Variants in KIF13A observed in about 807,000 individuals in gnomAD.
KIF13A encodes kinesin-like protein KIF13A.
Under a neutral mutation model 212.2 loss-of-function variants are expected in KIF13A, and 79 were observed. The observed-to-expected ratio is 0.37, with a 90% CI of 0.31 to 0.45. The LOEUF (loss-of-function observed/expected upper bound fraction) is 0.45, where lower values mean the gene tolerates loss of function less well. Among genes scored for constraint, KIF13A ranks in the 20% least tolerant of loss-of-function variants. The probability of loss-of-function intolerance (pLI) is 1.00; values close to 1 mark genes in which losing one functional copy is unlikely to be tolerated. For synonymous variants in KIF13A, 789 were observed against 808.6 expected, an observed-to-expected ratio of 0.98 and a Z score of 0.41; for missense variants, 1,901 against 2,209.0, an observed-to-expected ratio of 0.86 and a Z score of 2.79.
Position 17,918,600 on chromosome 6 carries a change from T to C in KIF13A, c.147-20420A>G, listed in dbSNP as rs1774754832. ...AGGTATGTGTGTCGAGTTATCTAAA[T>C]GGACCTTGTGTTTTCTTGGGGCTGC... On this transcript the variant is annotated intron_variant, in intron 2 of 38. Coordinates refer to ENST00000259711, the MANE Select transcript of KIF13A (RefSeq NM_022113.6). This position sits in a 1 kb window ranked among gnomAD's most constrained non-coding sequence, Gnocchi z 4.8. 6.6e-6 allele frequency among the ~76,000 whole-genome samples: 1 copy of C among 152,180 alleles called. No homozygotes were observed. Among genetic ancestry groups the C allele is most frequent in the Non-Finnish European group, 1.5e-5 (1 of 68,030 alleles).
At position 17,951,207 on chromosome 6, in the gene KIF13A, T is replaced by G; in HGVS notation, c.146+35847A>C. ...TCTGGCTCTGTCACCCAGGCTGGCGTGCAGTGGCTCAAACAGCTCACTGGA... is the reference window on the plus strand; with the variant it reads ...TCTGGCTCTGTCACCCAGGCTGGCGGGCAGTGGCTCAAACAGCTCACTGGA... On this transcript the variant is annotated intron_variant, in intron 2 of 38. Transcript: ENST00000259711. This position sits in a 1 kb window ranked among gnomAD's most constrained non-coding sequence, Gnocchi z 4.9. 11 of 1,141,004 alleles carry G rather than the reference T, an allele frequency of 9.6e-6. No homozygotes were observed. The highest frequency in any genetic ancestry group is 1.2e-5 in the Non-Finnish European group (11 of 893,062). 70.7% of individuals were successfully genotyped at this position (1,141,004 alleles called of 1,614,324 possible). A position where few individuals can be genotyped will look rare whatever the true frequency, so the allele number is the denominator to read the frequency against.
chr6:17,885,462 G>C (rs758810365), intron 3 of KIF13A, among the ~76,000 whole-genome samples: 1 of 152,208 alleles, frequency 6.6e-6, no homozygotes, highest in Non-Finnish European at 1.5e-5. Flanking sequence ...GGCATGGACT[G>C]ATTGTGAAGA....
At chr6:17,896,327 C>T (rs527442451) in intron 3 of KIF13A, among the ~76,000 whole-genome samples, 6 of 147,116 alleles carry the variant, frequency 4.1e-5, no homozygotes, top group Middle Eastern at 3.5e-3. Flanking sequence ...TTTGTTAAAT[C>T]GAAACAACCA....
At chr6:17,818,769 T>G (rs1342019783) in intron 16 of KIF13A, among the ~76,000 whole-genome samples, 1 of 152,190 alleles carries the variant, frequency 6.6e-6, no homozygotes, top group East Asian at 1.9e-4. Context: ...GGTCAGGTTT[T>G]TAACTCAGAT....
chr6:17,979,150 A>G (rs754253030), intron 2 of KIF13A, among the ~76,000 whole-genome samples: 1 of 152,196 alleles, frequency 6.6e-6, no homozygotes, highest in Non-Finnish European at 1.5e-5. Context: ...AAAATTAGCC[A>G]GGCGTGGTGG....
At position 17,771,896 on chromosome 6, in the gene KIF13A, T is replaced by C; in HGVS notation, c.4476+12A>G. ...CTCTATTCTGCATAGTACAGACAAG[T>C]CAAGCATTTACCTCCTGGCTTAGAA... On this transcript the variant is annotated intron_variant, in intron 37 of 38. Coordinates refer to ENST00000259711, the MANE Select transcript of KIF13A (RefSeq NM_022113.6). The surrounding 1 kb of genome is among the most constrained non-coding windows in gnomAD (Gnocchi z 5.4). The C allele has an allele frequency of 6.2e-7, 1 of 1,613,680 alleles. No homozygotes were observed. The highest frequency in any genetic ancestry group is 2.2e-5 in the East Asian group (1 of 44,874).
Position 17,856,861 on chromosome 6 carries a change from A to T in KIF13A, c.221-739T>A, listed in dbSNP as rs1768191877. Among the ~76,000 whole-genome samples, 1 of 152,156 alleles carries T rather than the reference A, an allele frequency of 6.6e-6. No individual in the cohort carries two copies. The highest frequency in any genetic ancestry group is 2.4e-5 in the African/African-American group (1 of 41,434). On this transcript the variant is annotated intron_variant, in intron 4 of 38. Coordinates refer to ENST00000259711, the MANE Select transcript of KIF13A (RefSeq NM_022113.6). This position sits in a 1 kb window ranked among gnomAD's most constrained non-coding sequence, Gnocchi z 4.5. The stretch of plus-strand genomic sequence containing the variant: ...CTGTATCACTAAGACAATTAGACTT[A>T]TGTTCTCCTTCCTGTCTTCTTATAG...
At position 17,883,328 on chromosome 6, in the gene KIF13A, C is replaced by T. The variant is rs1331594644; in HGVS notation, c.160-9891G>A. ...TGTCACTGCACTCCAGCCTGGGTCACAGAGCAAGACTGTCTCTAAAAAATA... is the reference window on the plus strand; with the variant it reads ...TGTCACTGCACTCCAGCCTGGGTCATAGAGCAAGACTGTCTCTAAAAAATA... On this transcript the variant is annotated intron_variant, in intron 3 of 38. Coordinates refer to ENST00000259711, the MANE Select transcript of KIF13A (RefSeq NM_022113.6). This position sits in a 1 kb window ranked among gnomAD's most constrained non-coding sequence, Gnocchi z 4.8. Among the ~76,000 whole-genome samples the T allele has an allele frequency of 6.6e-6, 1 of 152,042 alleles. No individual in the cohort carries two copies. The highest frequency in any genetic ancestry group is 2.4e-5 in the African/African-American group (1 of 41,396).
intron 3 of KIF13A, among the ~76,000 whole-genome samples, chr6:17,894,224 C>T (rs921695722): frequency 6.6e-5 from 10 of 151,928 alleles, no homozygotes; most frequent in Admixed American, 3.9e-4. Context: ...CTAAACTTAC[C>T]GTGCTCAAGT....
In KIF13A at chr6:17,855,223, C is replaced by T. The variant is rs1768031867; in HGVS notation, c.494+214G>A. 6.6e-6 allele frequency among the ~76,000 whole-genome samples: 1 copy of T among 152,118 alleles called. No individual in the cohort carries two copies. Among genetic ancestry groups the T allele is most frequent in the Admixed American group, 6.5e-5 (1 of 15,276 alleles). ...AATACCAATAGTAAAAACATCTTTT[C>T]AAAGGGCATACATAGGCAACTTTAT... On this transcript the variant is annotated intron_variant, in intron 6 of 38. Coordinates refer to ENST00000259711, the MANE Select transcript of KIF13A (RefSeq NM_022113.6). The surrounding 1 kb of genome is among the most constrained non-coding windows in gnomAD (Gnocchi z 4.1).
At chr6:17,833,014 CAAAAAAAA>C (rs61281213) in intron 12 of KIF13A, among the ~76,000 whole-genome samples, 1 of 75,386 alleles carries the variant, frequency 1.3e-5, no homozygotes, top group African/African-American at 6.8e-5. Context: ...ACTCTGTCTG[CAAAAAAAA>C]AAAAAAAAAA....
chr6:17,924,505 G>A (rs1775332866), intron 2 of KIF13A, among the ~76,000 whole-genome samples: 1 of 152,158 alleles, frequency 6.6e-6, no homozygotes, highest in South Asian at 2.1e-4. Context: ...GTAAACTGCA[G>A]ATTTTTTAGT....
chr6:17,870,806 C>T (rs1769935066), intron 4 of KIF13A, among the ~76,000 whole-genome samples: 1 of 152,114 alleles, frequency 6.6e-6, no homozygotes, highest in Non-Finnish European at 1.5e-5. Flanking sequence ...CTGCTCAGAC[C>T]AGCATTACCA....
At chr6:17,920,880 A>C (rs1424194345) in intron 2 of KIF13A, among the ~76,000 whole-genome samples, 2 of 152,056 alleles carry the variant, frequency 1.3e-5, no homozygotes, top group East Asian at 3.9e-4. Flanking sequence ...TCTCAAAAAA[A>C]AAAAAAAAAA....
Position 17,839,259 on chromosome 6 carries a change from G to C in KIF13A, c.831-1676C>G, listed in dbSNP as rs1766279412. ...ACCCCATACATTTATCCACAAAAAT[G>C]TACATCATACTTGACAGATTTAAAG... On this transcript the variant is annotated intron_variant, in intron 9 of 38. Transcript: ENST00000259711. This position sits in a 1 kb window ranked among gnomAD's most constrained non-coding sequence, Gnocchi z 4.3. Among the ~76,000 whole-genome samples, 1 of 152,206 alleles carries C rather than the reference G, an allele frequency of 6.6e-6. No homozygotes were observed. The highest frequency in any genetic ancestry group is 2.4e-5 in the African/African-American group (1 of 41,450).
Position 17,984,274 on chromosome 6 carries a change from T to C in KIF13A, c.146+2780A>G, listed in dbSNP as rs1031921678. ...AGGTGAGTGACTCTGGTGTAGGTAC[T>C]GGATCCACAAGTATCTTTGAATCCC... is the stretch of plus-strand genomic sequence containing the variant. On this transcript the variant is annotated intron_variant, in intron 2 of 38. Transcript: ENST00000259711. The surrounding 1 kb of genome is among the most constrained non-coding windows in gnomAD (Gnocchi z 5.0). 6.6e-6 allele frequency among the ~76,000 whole-genome samples: 1 copy of C among 152,248 alleles called. No individual in the cohort carries two copies. Among genetic ancestry groups the C allele is most frequent in the African/African-American group, 2.4e-5 (1 of 41,466 alleles).
intron 2 of KIF13A, among the ~76,000 whole-genome samples, chr6:17,917,344 G>A (rs779211338): frequency 2.7e-5 from 4 of 147,452 alleles, no homozygotes; most frequent in Non-Finnish European, 4.4e-5. Flanking sequence ...GGGTTCAAGC[G>A]ATTCTTGTGC....
At chr6:17,806,060 T>C (rs1468779754) in intron 18 of KIF13A, among the ~76,000 whole-genome samples, 1 of 151,972 alleles carries the variant, frequency 6.6e-6, no homozygotes, top group Admixed American at 6.6e-5. Flanking sequence ...GCTGGGACTA[T>C]AGGCACATGA....
In KIF13A at chr6:17,781,166, G is replaced by C. The variant is rs750036965; in HGVS notation, c.3669+11C>G. The C allele has an allele frequency of 8.7e-6, 14 of 1,613,822 alleles. No homozygotes were observed. Among genetic ancestry groups the C allele is most frequent in the Middle Eastern group, 1.6e-4 (1 of 6,062 alleles). ...CTGAAGCCTTTTAAGAGAAACTTGG[G>C]GGTTAATTACCTCATCATCACTGTG... On this transcript the variant is annotated intron_variant, in intron 30 of 38. Transcript: ENST00000259711.
Sources: gnomAD v4.1 joint callset for allele counts (sites outside exome capture counted in the v4.1 genomes callset) on GRCh38, gnomAD v4.1.1 for gene constraint, Gnocchi (gnomAD v3.1) non-coding constraint, MANE v1.5 for transcripts, NCBI Gene and HGNC (gene_info 2026-07-23, HGNC 2026-07-21) for gene names.